The following STAB2 variants were observed in gnomAD, a reference collection of about 807,000 sequenced individuals.
STAB2 encodes the protein stabilin 2.
A neutral mutation model predicts 338.1 loss-of-function variants in STAB2; 288 were observed. The observed-to-expected ratio is 0.85, with a 90% CI of 0.77 to 0.94. The LOEUF (loss-of-function observed/expected upper bound fraction) is 0.94. STAB2 is among the 40% of genes least tolerant of loss of function. STAB2 has a pLI of 0.00. For missense variants in STAB2, 3,141 were observed against 3,210.1 expected (o/e 0.98, Z 0.52); for synonymous variants, 1,202 against 1,193.3 (o/e 1.01, Z -0.15).
chr12:103,725,166 A>C, intron 45 of STAB2, 72 bp downstream of exon 45: 1 of 1,562,358 alleles, frequency 6.4e-7, no homozygotes, highest in Non-Finnish European at 8.7e-7. Context: ...GTAGCTAAGG[A>C]GTATTTAAGA....
At chr12:103,666,171 A>G (rs1051414155) in intron 18 of STAB2, 120 bp from the exon 19 acceptor site, 6 of 962,756 alleles carry the variant, frequency 6.2e-6, no homozygotes, top group Middle Eastern at 6.4e-4. Context: ...TAGAGAGGCC[A>G]GGATCATGGC....
At position 103,734,232 on chromosome 12, in the gene STAB2, ACAT is replaced by A. The variant is rs552977975; in HGVS notation, c.5460+1054_5460+1056del. Among the ~76,000 whole-genome samples, 35 of 136,118 alleles carry A rather than the reference ACAT, an allele frequency of 2.6e-4. No individual in the cohort carries two copies. The South Asian group carries it at 2.8e-3, about 11-fold the overall frequency. 89.3% of individuals were successfully genotyped at this position (136,118 alleles called of 152,430 possible). ...AGCAAGCACGATCACATAGGAGCAA[ACAT>A]CATAAAGGAGCAAGCATGATCACAT... On this transcript the variant is annotated intron_variant, in intron 51 of 68. Transcript: ENST00000388887.
chr12:103,673,889 C>G lies in STAB2; in HGVS notation c.2372-18C>G. ...GTCCCCAAGGCCTGGACGGATGTCC[C>G]TCCTCCTCCTCTTTCAGAATGCCTG... On this transcript the variant is annotated intron_variant, in intron 22 of 68. Coordinates refer to ENST00000388887, the MANE Select transcript of STAB2 (RefSeq NM_017564.10). 6.2e-7 allele frequency: 1 copy of G among 1,601,236 alleles called. No individual in the cohort carries two copies. Among genetic ancestry groups the G allele is most frequent in the Non-Finnish European group, 8.5e-7 (1 of 1,171,084 alleles).
intron 3 of STAB2, among the ~76,000 whole-genome samples, chr12:103,597,579 A>AT (rs2138550622): frequency 6.6e-6 from 1 of 152,292 alleles, no homozygotes; most frequent in South Asian, 2.1e-4. Context: ...AAAAAATAAT[A>AT]TTATCTTGAC....
chr12:103,758,323 T>A (rs747815164), intron 64 of STAB2, 34 bp downstream of exon 64: 1 of 1,608,748 alleles, frequency 6.2e-7, no homozygotes, highest in Non-Finnish European at 8.5e-7. Flanking sequence ...TGCTTTAGAC[T>A]AGCATGTTAT....
At chr12:103,720,838 G>A (rs1249029205) in intron 44 of STAB2, among the ~76,000 whole-genome samples, 1 of 152,210 alleles carries the variant, frequency 6.6e-6, no homozygotes, top group African/African-American at 2.4e-5. Context: ...GGCTAGTTCT[G>A]TGTCTGCTGC....
chr12:103,746,705 G>A lies in STAB2; in HGVS notation c.6244+1G>A, dbSNP rs1883065188. The stretch of plus-strand genomic sequence containing the variant: ...GAAGGTGACGGAATCACATGCACAG[G>A]TAAGCCACCTTTGTGCACAGGTGAA... On this transcript the variant is annotated splice_donor_variant, in intron 58 of 68. Coordinates refer to ENST00000388887, the MANE Select transcript of STAB2 (RefSeq NM_017564.10). LOFTEE classifies it high-confidence loss of function. 5 of 1,613,486 alleles carry A rather than the reference G, an allele frequency of 3.1e-6. No individual in the cohort carries two copies. The highest frequency in any genetic ancestry group is 4.2e-6 in the Non-Finnish European group (5 of 1,179,676).
At position 103,758,254 on chromosome 12, in the gene STAB2, T is replaced by C; in HGVS notation, c.7072T>C (p.Phe2358Leu). Residue 2358 changes from phenylalanine to leucine, a missense_variant, in exon 64 of 69, where the codon TTT becomes CTT. By Grantham distance (22) the Phe-to-Leu change is conservative. Coordinates refer to ENST00000388887, the MANE Select transcript of STAB2 (RefSeq NM_017564.10). The stretch of plus-strand genomic sequence containing the variant: ...TGACCTGTCCATCCGCGGCACCCTC[T>C]TTGTGCCACAGAACAGTGGGCTGGG... Reference protein sequence around the residue: ...LTDLSIRGTLFVPQNSGLGEN... With the variant: ...LTDLSIRGTLLVPQNSGLGEN... 6.2e-7 allele frequency: 1 copy of C among 1,614,060 alleles called. No homozygotes were observed. Among genetic ancestry groups the C allele is most frequent in the Middle Eastern group, 1.6e-4 (1 of 6,062 alleles).
intron 25 of STAB2, among the ~76,000 whole-genome samples, chr12:103,678,837 T>A (rs1028805504): frequency 1.3e-5 from 2 of 151,982 alleles, no homozygotes; most frequent in African/African-American, 4.8e-5. Flanking sequence ...CAGCCAATCT[T>A]CCTTATTTAA....
chr12:103,689,302 G>A (rs1466597780), intron 28 of STAB2, among the ~76,000 whole-genome samples: 3 of 152,032 alleles, frequency 2.0e-5, no homozygotes, highest in African/African-American at 7.3e-5. Context: ...GGCCAACATC[G>A]TGAAACCCCG....
chr12:103,743,394 TACAG>T (rs1240332840), intron 56 of STAB2, among the ~76,000 whole-genome samples: 1 of 152,070 alleles, frequency 6.6e-6, no homozygotes, highest in African/African-American at 2.4e-5. Context: ...TCAAAAGGCT[TACAG>T]ACACAAATTT....
chr12:103,710,405 C>T (rs1005257127), intron 39 of STAB2, among the ~76,000 whole-genome samples: 1 of 152,188 alleles, frequency 6.6e-6, no homozygotes, highest in African/African-American at 2.4e-5. Flanking sequence ...AGCCTGTAGA[C>T]TATAACAAAG....
rs1257423820 is a variant in STAB2 at position 103,660,689 on chromosome 12, G to A, written c.1795G>A (p.Val599Met). 1.2e-6 allele frequency: 2 copies of A among 1,613,932 alleles called. No homozygotes were observed. Among genetic ancestry groups the A allele is most frequent in the African/African-American group, 2.7e-5 (2 of 74,876 alleles). The change falls in exon 17 of 69, where the codon GTG (valine) becomes ATG (methionine). Residue 599 changes from valine to methionine, a missense_variant. Physicochemically the swap from Val to Met is conservative, Grantham distance 21 (BLOSUM62 1). Coordinates refer to ENST00000388887, the MANE Select transcript of STAB2 (RefSeq NM_017564.10). ...TGTTCTCTTCTTATTGCAGCTTGAA[G>A]TGGCCACTCTCATCTCCACCCCTCA... is the stretch of plus-strand genomic sequence containing the variant. The part of the protein sequence containing the change: ...YHIVPFTQLE[V>M]ATLISTPHIR...
In STAB2 at chr12:103,669,622, G is replaced by A; in HGVS notation, c.2254G>A (p.Gly752Arg). 3 of 1,613,934 alleles carry A rather than the reference G, an allele frequency of 1.9e-6. No individual in the cohort carries two copies. Among genetic ancestry groups the A allele is most frequent in the Non-Finnish European group, 2.5e-6 (3 of 1,179,862 alleles). The change falls in exon 21 of 69, where the codon GGA becomes AGA. Residue 752 changes from glycine (G) to arginine (R), a missense_variant. Physicochemically the swap from Gly to Arg is moderately radical, Grantham distance 125. Transcript: ENST00000388887. ...GGFSNPCSGN[G>R]QCADSLGGNG... ...CTTCTCAAATCCATGCTCAGGAAAT[G>A]GACAGGTGAATACTGAAGACTGGCC...
rs35471201 is a variant in STAB2 at position 103,739,527 on chromosome 12, C to CTGTGTG, written c.5754+100_5754+105dup. On this transcript the variant is annotated intron_variant, in intron 54 of 68. Transcript: ENST00000388887. Reference sequence around the variant, plus strand: ...CCATAGGTCTGTTTCATTATCAGACCTGTGTGTGTGTGTGTGTGTGTGTGT... The same window carrying CTGTGTG: ...CCATAGGTCTGTTTCATTATCAGACCTGTGTGTGTGTGTGTGTGTGTGTGTGTGTGT... 2,159 of 673,894 alleles carry CTGTGTG rather than the reference C, an allele frequency of 3.2e-3. 7 individuals are homozygous for CTGTGTG. Among genetic ancestry groups the CTGTGTG allele is most frequent in the Admixed American group, 6.1e-3 (189 of 30,922 alleles). 41.7% of individuals were successfully genotyped at this position (673,894 alleles called of 1,614,324 possible). A position where few individuals can be genotyped will look rare whatever the true frequency, so the allele number is the denominator to read the frequency against.
In STAB2 at chr12:103,725,044, A is replaced by C. The variant is rs1351273914; in HGVS notation, c.4753A>C (p.Lys1585Gln). 1.9e-6 allele frequency: 3 copies of C among 1,613,972 alleles called. No homozygotes were observed. The highest frequency in any genetic ancestry group is 2.5e-6 in the Non-Finnish European group (3 of 1,179,816). ...TGQVERTCTC[K>Q]PNYIGDGFTC... ...GCAAGTAGAAAGGACTTGTACTTGC[A>C]AGCCAAACTACATTGGAGATGGATT... is the stretch of plus-strand genomic sequence containing the variant. Residue 1585 changes from lysine to glutamine, a missense_variant, in exon 45 of 69, where the codon AAG becomes CAG. Lys to Gln is a moderately conservative substitution (Grantham distance 53, BLOSUM62 1). Coordinates refer to ENST00000388887, the MANE Select transcript of STAB2 (RefSeq NM_017564.10).
intron 31 of STAB2, among the ~76,000 whole-genome samples, chr12:103,693,629 A>G (rs1455636591): frequency 6.6e-6 from 1 of 152,218 alleles, no homozygotes; most frequent in Non-Finnish European, 1.5e-5. Context: ...GGAAAAGAAT[A>G]TAAAAAGCAT....
chr12:103,651,857 T>A (rs1873768789), intron 11 of STAB2, among the ~76,000 whole-genome samples: 1 of 152,218 alleles, frequency 6.6e-6, no homozygotes, highest in South Asian at 2.1e-4. Flanking sequence ...ACCCAGTAAG[T>A]TGCCGGCTCT....
intron 10 of STAB2, 84 bp downstream of exon 10, chr12:103,648,907 A>G: frequency 1.3e-6 from 2 of 1,548,294 alleles, no homozygotes; most frequent in Non-Finnish European, 8.7e-7. Flanking sequence ...TCAGAAAGGG[A>G]CAGGCGAGCC....
Sources: gnomAD v4.1 joint callset for allele counts (sites outside exome capture counted in the v4.1 genomes callset) on GRCh38, gnomAD v4.1.1 for gene constraint, MANE v1.5 for transcripts, NCBI Gene and HGNC (gene_info 2026-07-23, HGNC 2026-07-21) for gene names.